The following FMNL2 variants were observed in gnomAD, a reference collection of about 807,000 sequenced individuals.
The protein encoded by FMNL2 is formin-like protein 2.
A neutral mutation model predicts 130.2 loss-of-function variants in FMNL2; 51 were observed. That is an observed-to-expected ratio of 0.39 (90% CI 0.31 to 0.49). The LOEUF (loss-of-function observed/expected upper bound fraction) is 0.49. FMNL2 is among the 20% of genes least tolerant of loss of function. The pLI is 0.85. For synonymous variants in FMNL2, 465 were observed against 467.1 expected, an observed-to-expected ratio of 1.00 and a Z score of 0.06; for missense variants, 977 against 1,316.2, an observed-to-expected ratio of 0.74 and a Z score of 3.99.
At chr2:152,531,962 A>G (rs1317570014) in intron 2 of FMNL2, among the ~76,000 whole-genome samples, 1 of 152,220 alleles carries the variant, frequency 6.6e-6, no homozygotes, top group African/African-American at 2.4e-5. Flanking sequence ...TTAAGCAAAT[A>G]TGAAATGACA....
At chr2:152,645,151 T>C (rs577412330) in intron 25 of FMNL2, among the ~76,000 whole-genome samples, 3 of 152,332 alleles carry the variant, frequency 2.0e-5, no homozygotes, top group South Asian at 4.1e-4. Flanking sequence ...AAAACTGTCA[T>C]CTGCTTGGCT....
At chr2:152,516,469 TTCTC>T (rs1051959864) in intron 1 of FMNL2, among the ~76,000 whole-genome samples, 6 of 152,314 alleles carry the variant, frequency 3.9e-5, no homozygotes, top group Non-Finnish European at 5.9e-5. Flanking sequence ...TCCATGTTTT[TTCTC>T]TCTAAGCAAG....
intron 1 of FMNL2, among the ~76,000 whole-genome samples, chr2:152,375,376 T>G (rs1684095317): frequency 6.6e-6 from 1 of 152,248 alleles, no homozygotes; most frequent in Admixed American, 6.5e-5. Flanking sequence ...CCTTGAATGC[T>G]CATGCCTGGT....
chr2:152,634,608 T>C (rs1343237026), intron 21 of FMNL2, among the ~76,000 whole-genome samples: 3 of 152,244 alleles, frequency 2.0e-5, no homozygotes, highest in African/African-American at 7.2e-5. Flanking sequence ...TGGAAGCATT[T>C]TCCCTGCAAA....
chr2:152,604,713 A>G (rs1024462157), intron 9 of FMNL2, among the ~76,000 whole-genome samples: 5 of 151,964 alleles, frequency 3.3e-5, no homozygotes, highest in African/African-American at 4.8e-5. Context: ...CTCCTTCCAC[A>G]GCCTCCCAAG....
chr2:152,495,964 T>G (rs1448241982), intron 1 of FMNL2, among the ~76,000 whole-genome samples: 2 of 151,992 alleles, frequency 1.3e-5, no homozygotes, highest in African/African-American at 2.4e-5. Context: ...AGCCCATACC[T>G]TATAGGTGGC....
At chr2:152,538,304 G>C (rs1020304645) in intron 2 of FMNL2, among the ~76,000 whole-genome samples, 3 of 151,704 alleles carry the variant, frequency 2.0e-5, no homozygotes, top group Non-Finnish European at 4.4e-5. Context: ...TGTTTTTTGA[G>C]ATGGAGACTC....
At chr2:152,346,935 C>T (rs758045683) in intron 1 of FMNL2, among the ~76,000 whole-genome samples, 23 of 151,120 alleles carry the variant, frequency 1.5e-4, no homozygotes, top group Admixed American at 2.6e-4. Flanking sequence ...ACTAAAGATA[C>T]AAAAAATTAG....
chr2:152,628,178 T>C (rs753285646), intron 17 of FMNL2, 121 bp from the exon 18 acceptor site: 13 of 802,560 alleles, frequency 1.6e-5, no homozygotes, highest in Non-Finnish European at 2.4e-5. Flanking sequence ...CTCGTTGATT[T>C]GGTGTTTGAT....
intron 9 of FMNL2, among the ~76,000 whole-genome samples, chr2:152,587,091 G>A (rs1443502974): frequency 6.6e-6 from 1 of 152,160 alleles, no homozygotes; most frequent in Non-Finnish European, 1.5e-5. Flanking sequence ...AGAACTCCAC[G>A]TGGCTTGGGC....
intron 1 of FMNL2, among the ~76,000 whole-genome samples, chr2:152,445,923 T>A (rs577974172): frequency 2.6e-5 from 4 of 152,214 alleles, no homozygotes; most frequent in Non-Finnish European, 2.9e-5. Flanking sequence ...GCTTCTTTTT[T>A]CCAAAAACAT....
chr2:152,619,552 G>GCCCCCC lies in FMNL2; in HGVS notation c.1676_1677insCCCCCC (p.Pro572_Pro573dup), dbSNP rs1553488328. The stretch of plus-strand genomic sequence containing the variant: ...CACCACCTATGCCACCGCCGCCGCC[G>GCCCCCC]CCCCCTCCTCCACCTCCTCCTCCCC... On this transcript the variant is annotated inframe_insertion, in exon 15 of 26. Coordinates refer to ENST00000288670, the MANE Select transcript of FMNL2 (RefSeq NM_052905.4). 4.9e-6 allele frequency: 7 copies of GCCCCCC among 1,417,838 alleles called. No homozygotes were observed. Among genetic ancestry groups the GCCCCCC allele is most frequent in the South Asian group, 3.8e-5 (3 of 79,036 alleles). 87.8% of individuals were successfully genotyped at this position (1,417,838 alleles called of 1,614,324 possible).
intron 1 of FMNL2, among the ~76,000 whole-genome samples, chr2:152,445,631 G>C (rs957927603): frequency 1.3e-5 from 2 of 152,216 alleles, no homozygotes; most frequent in African/African-American, 4.8e-5. Context: ...TGGAGGACTT[G>C]TTAAAACATA....
chr2:152,631,784 T>C (rs1682188809), intron 20 of FMNL2, among the ~76,000 whole-genome samples: 1 of 152,136 alleles, frequency 6.6e-6, no homozygotes, highest in Non-Finnish European at 1.5e-5. Context: ...GTCATCCCTA[T>C]AGTTAAGCAT....
chr2:152,597,717 T>C (rs921392133), intron 9 of FMNL2, among the ~76,000 whole-genome samples: 1 of 152,214 alleles, frequency 6.6e-6, no homozygotes, highest in Non-Finnish European at 1.5e-5. Flanking sequence ...CAAATAATGC[T>C]GCCCTCACAA....
chr2:152,548,953 T>C (rs1694796240), intron 3 of FMNL2, 68 bp from the exon 4 acceptor site: 2 of 1,211,110 alleles, frequency 1.7e-6, no homozygotes, highest in South Asian at 3.1e-5. Context: ...GTTAAATTTA[T>C]TATAACTAAG....
intron 1 of FMNL2, among the ~76,000 whole-genome samples, chr2:152,445,709 C>T (rs1221396022): frequency 6.6e-6 from 1 of 152,180 alleles, no homozygotes; most frequent in Non-Finnish European, 1.5e-5. Context: ...TGAAAATCTA[C>T]ATTTCTTACA....
chr2:152,378,800 G>T (rs953294997), intron 1 of FMNL2, among the ~76,000 whole-genome samples: 1 of 151,966 alleles, frequency 6.6e-6, no homozygotes, highest in African/African-American at 2.4e-5. Context: ...CACAACATCT[G>T]TATTATTAGC....
At chr2:152,335,750 G>A (rs773867861) in intron 1 of FMNL2, 30 bp downstream of exon 1, 4 of 1,524,162 alleles carry the variant, frequency 2.6e-6, no homozygotes, top group Non-Finnish European at 3.5e-6. Context: ...CGGGCGCGGG[G>A]ACCCGGGGCC....
Sources: gnomAD v4.1 joint callset for allele counts (sites outside exome capture counted in the v4.1 genomes callset) on GRCh38, gnomAD v4.1.1 for gene constraint, MANE v1.5 for transcripts, NCBI Gene and HGNC (gene_info 2026-07-23, HGNC 2026-07-21) for gene names.